Variants in BBS4 observed in about 807,000 individuals in gnomAD.
BBS4 encodes the protein Bardet-Biedl syndrome 4, also known as BBSome complex member BBS4.
Under a neutral mutation model 71.4 loss-of-function variants are expected in BBS4, and 58 were observed. The ratio of observed to expected loss-of-function variants is 0.81; its 90% confidence interval spans 0.66 to 1.01. The LOEUF (loss-of-function observed/expected upper bound fraction) is 1.01, where lower values mean the gene tolerates loss of function less well. Among genes scored for constraint, BBS4 ranks in the 50% least tolerant of loss-of-function variants. The probability of loss-of-function intolerance (pLI) is 0.00; values close to 1 mark genes in which losing one functional copy is unlikely to be tolerated. For synonymous variants in BBS4, 228 were observed against 216.8 expected, an observed-to-expected ratio of 1.05 and a Z score of -0.46; for missense variants, 660 against 607.9, an observed-to-expected ratio of 1.09 and a Z score of -0.90.
chr15:72,692,501 C>T (rs1429968634), intron 1 of BBS4, among the ~76,000 whole-genome samples: 3 of 151,214 alleles, frequency 2.0e-5, no homozygotes, highest in African/African-American at 4.9e-5. Flanking sequence ...TCTGTAGAGG[C>T]GGGGTTTCGT....
chr15:72,710,081 A>C (rs1445842565), intron 3 of BBS4, among the ~76,000 whole-genome samples: 1 of 151,834 alleles, frequency 6.6e-6, no homozygotes, highest in Non-Finnish European at 1.5e-5. Flanking sequence ...GTGTCTTCTC[A>C]TGTCAAGAGC....
chr15:72,724,440 G>A, intron 7 of BBS4, 88 bp from the exon 8 acceptor site: 3 of 1,573,636 alleles, frequency 1.9e-6, no homozygotes, highest in Non-Finnish European at 2.6e-6. Context: ...TGTCAATACA[G>A]CAGAAAGTGT....
At position 72,712,235 on chromosome 15, in the gene BBS4, C is replaced by T. The variant is rs759249936; in HGVS notation, c.157-9C>T. On this transcript the variant is annotated splice_polypyrimidine_tract_variant and intron_variant, in intron 3 of 15. Transcript: ENST00000268057. The stretch of plus-strand genomic sequence containing the variant: ...CCACTGCTCAGAAGCATTTTTCTCC[C>T]TCTTTCAGGCTGTTATCAAAGAACA... 6.2e-7 allele frequency: 1 copy of T among 1,613,440 alleles called. No homozygotes were observed.
chr15:72,703,602 A>T (rs117127678), intron 2 of BBS4, among the ~76,000 whole-genome samples: 1,633 of 152,256 alleles, frequency 0.011, 16 homozygotes, highest in Non-Finnish European at 0.017. Context: ...AGGGGGGATA[A>T]ATGGAGGCCC....
intron 6 of BBS4, among the ~76,000 whole-genome samples, chr15:72,717,542 G>A (rs530165291): frequency 4.6e-5 from 7 of 152,104 alleles, no homozygotes; most frequent in Admixed American, 1.3e-4. Flanking sequence ...AAGGAGAAAA[G>A]GACAGAGCCT....
At chr15:72,705,250 G>A (rs2065243201) in intron 2 of BBS4, among the ~76,000 whole-genome samples, 1 of 152,128 alleles carries the variant, frequency 6.6e-6, no homozygotes, top group South Asian at 2.1e-4. Context: ...CTAGAACAGT[G>A]CCTGGAATCA....
At chr15:72,689,946 G>C (rs1158880495) in intron 1 of BBS4, among the ~76,000 whole-genome samples, 1 of 152,020 alleles carries the variant, frequency 6.6e-6, no homozygotes, top group African/African-American at 2.4e-5. Context: ...GAGTAGCTGG[G>C]ACTACAGGCG....
At chr15:72,694,488 T>C (rs910504826) in intron 1 of BBS4, among the ~76,000 whole-genome samples, 1 of 152,204 alleles carries the variant, frequency 6.6e-6, no homozygotes, top group Non-Finnish European at 1.5e-5. Context: ...TCTGGTGATA[T>C]GTTTTCTTGT....
intron 1 of BBS4, among the ~76,000 whole-genome samples, chr15:72,689,872 G>A (rs1052985143): frequency 2.0e-5 from 3 of 151,806 alleles, no homozygotes; most frequent in African/African-American, 4.8e-5. Flanking sequence ...GCGCAGTGGC[G>A]CGATCTCGGC....
intron 6 of BBS4, among the ~76,000 whole-genome samples, chr15:72,720,486 CAAAA>C (rs60677539): frequency 2.0e-4 from 24 of 121,422 alleles, no homozygotes; most frequent in Admixed American, 4.1e-4. Context: ...GACCCTGTCT[CAAAA>C]AAAAAAAAAA....
At chr15:72,710,195 G>GTTCTTT (rs1239689474) in intron 3 of BBS4, among the ~76,000 whole-genome samples, 1,418 of 103,352 alleles carry the variant, frequency 0.014, 84 homozygotes, top group Non-Finnish European at 0.017. Flanking sequence ...ATTTTGTCGA[G>GTTCTTT]TTTTTTTTTT....
intron 13 of BBS4, chr15:72,735,579 T>G: frequency 1.7e-6 from 1 of 579,694 alleles, no homozygotes; most frequent in Non-Finnish European, 3.1e-6. Context: ...TTTTCAACCC[T>G]GGCCTAGGTA....
intron 5 of BBS4, 23 bp downstream of exon 5, chr15:72,715,425 C>T (rs367560646): frequency 5.3e-6 from 8 of 1,502,838 alleles, no homozygotes; most frequent in Non-Finnish European, 7.4e-6. Flanking sequence ...AACCTGGAGG[C>T]CCTAGGGCAC....
At chr15:72,735,468 G>A in intron 13 of BBS4, 1 of 523,358 alleles carries the variant, frequency 1.9e-6, no homozygotes, top group South Asian at 2.0e-5. Flanking sequence ...GGGCTAGCTG[G>A]AATATCAGAT....
chr15:72,702,906 C>T (rs1339890218), intron 2 of BBS4, among the ~76,000 whole-genome samples: 7 of 146,928 alleles, frequency 4.8e-5, no homozygotes, highest in Non-Finnish European at 1.0e-4. Context: ...CTTCCGGGTT[C>T]ACGCCATTCT....
intron 4 of BBS4, among the ~76,000 whole-genome samples, chr15:72,713,625 A>C (rs1272675616): frequency 6.6e-6 from 1 of 152,202 alleles, no homozygotes; most frequent in Non-Finnish European, 1.5e-5. Context: ...ATTTATTATC[A>C]AGTATTAAGT....
intron 2 of BBS4, among the ~76,000 whole-genome samples, chr15:72,700,254 G>A (rs573278844): frequency 1.0e-3 from 153 of 152,208 alleles, no homozygotes; most frequent in Non-Finnish European, 1.4e-3. Flanking sequence ...TTTATTTACT[G>A]GTTTTTTTTG....
chr15:72,686,360 G>T, intron 1 of BBS4, 109 bp downstream of exon 1: 1 of 1,541,314 alleles, frequency 6.5e-7, no homozygotes. Context: ...TGGGTGCCGA[G>T]CGTCTCAGGG....
intron 12 of BBS4, 81 bp downstream of exon 12, chr15:72,731,807 C>T: frequency 4.5e-6 from 7 of 1,547,310 alleles, no homozygotes; most frequent in Non-Finnish European, 6.2e-6. Flanking sequence ...AGATCAGTGG[C>T]TGTCTCATAG....
Sources: allele counts gnomAD v4.1 joint callset (sites outside exome capture counted in the v4.1 genomes callset), GRCh38; gene constraint gnomAD v4.1.1; transcripts MANE v1.5; gene names NCBI Gene and HGNC (gene_info 2026-07-23, HGNC 2026-07-21).